The following KDM6A variants were observed in gnomAD, a reference collection of about 807,000 sequenced individuals.
KDM6A encodes lysine demethylase 6A.
Under a neutral mutation model 117.6 loss-of-function variants are expected in KDM6A, and 11 were observed. That is an observed-to-expected ratio of 0.09 (90% CI 0.06 to 0.15). The LOEUF is 0.15. KDM6A is among the 10% of genes least tolerant of loss of function. The pLI, the probability that KDM6A is intolerant of heterozygous loss-of-function variation, is 1.00. For synonymous variants in KDM6A, 384 were observed against 396.1 expected, an observed-to-expected ratio of 0.97 and a Z score of 0.36; for missense variants, 799 against 1,077.3, an observed-to-expected ratio of 0.74 and a Z score of 3.62.
At chrX:45,072,947 T>C (rs938010508) in intron 18 of KDM6A, among the ~76,000 whole-genome samples, 2 of 108,915 alleles carry the variant, frequency 1.8e-5, no homozygotes, top group African/African-American at 6.7e-5. Context: ...TAGGTATACA[T>C]GTGCCATGCT....
intron 4 of KDM6A, among the ~76,000 whole-genome samples, chrX:44,989,577 C>T (rs2040461362): frequency 9.0e-6 from 1 of 111,720 alleles, no homozygotes; most frequent in African/African-American, 3.3e-5. Flanking sequence ...GAGGAGGAAA[C>T]ACGTAAACAT....
chrX:45,019,890 C>G (rs187272647), intron 5 of KDM6A, among the ~76,000 whole-genome samples: 8 of 111,671 alleles, frequency 7.2e-5, no homozygotes, highest in Non-Finnish European at 1.3e-4. Flanking sequence ...TGAACTTGTT[C>G]TATTGGTGAT....
At chrX:45,074,488 A>C (rs1382035692) in intron 18 of KDM6A, among the ~76,000 whole-genome samples, 1 of 112,172 alleles carries the variant, frequency 8.9e-6, no homozygotes, top group African/African-American at 3.2e-5. Flanking sequence ...AGATACCATC[A>C]GTTCCTTCAG....
intron 2 of KDM6A, among the ~76,000 whole-genome samples, chrX:44,900,673 C>T (rs918679008): frequency 2.3e-4 from 26 of 111,117 alleles, no homozygotes; most frequent in African/African-American, 7.5e-4. Flanking sequence ...CCGAGGCGGG[C>T]GGATCATGAG....
intron 25 of KDM6A, among the ~76,000 whole-genome samples, chrX:45,086,937 A>G (rs190489222): frequency 9.1e-4 from 103 of 112,762 alleles, no homozygotes; most frequent in African/African-American, 3.3e-3. Flanking sequence ...GAAAACATTT[A>G]CATGAGATTA....
At chrX:44,992,203 CTTCTTTTTTTTTTTTTTTTTTTTTTT>C (rs1223500810) in intron 4 of KDM6A, among the ~76,000 whole-genome samples, 1 of 56,688 alleles carries the variant, frequency 1.8e-5, no homozygotes, top group Non-Finnish European at 3.4e-5. Flanking sequence ...ATACTGTCTT[CTTCTTTTTTTTTTTTTTTTTTTTTTT>C]TTTTTTTTTT....
At chrX:44,897,178 G>T (rs1297026478) in intron 2 of KDM6A, among the ~76,000 whole-genome samples, 1 of 94,198 alleles carries the variant, frequency 1.1e-5, no homozygotes, top group African/African-American at 3.9e-5. Flanking sequence ...CTCTTGTTTA[G>T]ATTGACATAA....
chrX:45,083,660 T>C (rs2045517452), intron 24 of KDM6A, 52 bp downstream of exon 24: 1 of 1,046,096 alleles, frequency 9.6e-7, no homozygotes, highest in African/African-American at 1.8e-5. Context: ...AAAATCAAAA[T>C]ATGAAACATG....
At chrX:44,995,929 A>G (rs2040842994) in intron 4 of KDM6A, among the ~76,000 whole-genome samples, 1 of 111,952 alleles carries the variant, frequency 8.9e-6, no homozygotes, top group East Asian at 2.8e-4. Flanking sequence ...ATTTTTAAGT[A>G]TTTTACATGT....
intron 27 of KDM6A, among the ~76,000 whole-genome samples, chrX:45,102,974 C>T (rs2046386540): frequency 1.8e-5 from 2 of 110,625 alleles, no homozygotes; most frequent in Non-Finnish European, 3.8e-5. Flanking sequence ...ATGGCTCTTT[C>T]AGTAAGGGAG....
At chrX:45,051,367 T>C (rs961899319) in intron 8 of KDM6A, among the ~76,000 whole-genome samples, 8 of 111,857 alleles carry the variant, frequency 7.2e-5, no homozygotes, top group Non-Finnish European at 1.3e-4. Flanking sequence ...CAGACAGATA[T>C]GCACTTGGAG....
intron 10 of KDM6A, among the ~76,000 whole-genome samples, chrX:45,057,335 C>A (rs1347724306): frequency 9.0e-6 from 1 of 111,722 alleles, no homozygotes; most frequent in Non-Finnish European, 1.9e-5. Context: ...CAAAAGATCA[C>A]CATTTTCTTT....
chrX:45,067,830 T>G (rs149805289), intron 17 of KDM6A, among the ~76,000 whole-genome samples: 42 of 109,792 alleles, frequency 3.8e-4, no homozygotes, highest in Non-Finnish European at 7.2e-4. Flanking sequence ...TTTTTGTATT[T>G]TAATAGAGAC....
rs73488851 is a variant in KDM6A, at chrX:44,924,198, A to G, written c.226-37086A>G. On this transcript the variant is annotated intron_variant, in intron 2 of 29. Transcript: ENST00000611820. The stretch of plus-strand genomic sequence containing the variant: ...TTGTATCATTTGTGATTAATTTTCT[A>G]TTGGTTGATTTTTCTCATTGTGGGT... Among the ~76,000 whole-genome samples, 860 of 111,236 alleles carry G rather than the reference A, an allele frequency of 7.7e-3. 15 individuals are homozygous for G. The highest frequency in any genetic ancestry group is 0.027 in the African/African-American group (823 of 30,603).
chrX:44,932,054 A>G (rs1036147515), intron 2 of KDM6A, among the ~76,000 whole-genome samples: 1 of 88,532 alleles, frequency 1.1e-5, no homozygotes, highest in Non-Finnish European at 2.1e-5. Context: ...TGTTTTAGCT[A>G]GATTGCTGGT....
intron 4 of KDM6A, among the ~76,000 whole-genome samples, chrX:44,990,324 A>G (rs2040500305): frequency 9.0e-6 from 1 of 111,210 alleles, no homozygotes; most frequent in Non-Finnish European, 1.9e-5. Context: ...GGATCACCTG[A>G]AGTCAGGAGT....
chrX:44,992,997 A>G (rs1219825632), intron 4 of KDM6A, among the ~76,000 whole-genome samples: 3 of 112,132 alleles, frequency 2.7e-5, no homozygotes, highest in Admixed American at 1.9e-4. Context: ...GCTGTAGCCT[A>G]TTGTTTCAGT....
At chrX:45,082,528 T>C (rs1569538243) in intron 21 of KDM6A, 48 bp from the exon 22 acceptor site, 2 of 823,980 alleles carry the variant, frequency 2.4e-6, no homozygotes, top group Non-Finnish European at 3.7e-6. Flanking sequence ...TGGAAAGGAT[T>C]GCCAGTTGTA....
chrX:44,873,288 T>C lies in KDM6A; in HGVS notation c.-264T>C. Reference sequence around the variant, plus strand: ...TCCGGCCGTTCCCGCCGTCCCCGCCTGTGGCTGCCCCCTGCCCAACCCCGC... The same window carrying C: ...TCCGGCCGTTCCCGCCGTCCCCGCCCGTGGCTGCCCCCTGCCCAACCCCGC... On this transcript the variant is annotated 5_prime_UTR_variant, in exon 1 of 30. Transcript: ENST00000611820. 5 of 204,585 alleles carry C rather than the reference T, an allele frequency of 2.4e-5. No homozygotes were observed. Among genetic ancestry groups the C allele is most frequent in the Non-Finnish European group, 3.6e-5 (4 of 112,597 alleles). The allele number at this position is 204,585 out of a possible 1,213,427, so 16.9% of individuals were successfully genotyped here.
Sources: gnomAD v4.1 joint callset for allele counts (sites outside exome capture counted in the v4.1 genomes callset) on GRCh38, gnomAD v4.1.1 for gene constraint, MANE v1.5 for transcripts, NCBI Gene and HGNC (gene_info 2026-07-23, HGNC 2026-07-21) for gene names.